Variants in RBFOX1 observed in about 807,000 individuals in gnomAD.
RBFOX1 encodes the protein RNA binding fox-1 homolog 1.
Under a neutral mutation model 57.7 loss-of-function variants are expected in RBFOX1, and 8 were observed. The ratio of observed to expected loss-of-function variants is 0.14; its 90% CI spans 0.08 to 0.25. The LOEUF is 0.25. Ranked by LOEUF, RBFOX1 falls within the 10% of genes least tolerant of loss-of-function variation. The pLI is 1.00. For synonymous variants in RBFOX1, 326 were observed against 222.4 expected (o/e 1.47, Z -4.15); for missense variants, 611 against 548.5 (o/e 1.11, Z -1.14).
chr16:7,162,174 A>T (rs572836116), intron 4 of RBFOX1, among the ~76,000 whole-genome samples: 1 of 152,202 alleles, frequency 6.6e-6, no homozygotes, highest in Non-Finnish European at 1.5e-5. Context: ...GAATGTGCCA[A>T]TAATGGCAGA....
At chr16:5,268,097 C>G (rs917363443) in intron 1 of RBFOX1, among the ~76,000 whole-genome samples, 24 of 151,802 alleles carry the variant, frequency 1.6e-4, no homozygotes, top group Non-Finnish European at 3.1e-4. Context: ...AAAAAGATGA[C>G]TGGAATATAG....
intron 2 of RBFOX1, among the ~76,000 whole-genome samples, chr16:6,516,674 G>C (rs1289758438): frequency 6.6e-6 from 1 of 152,174 alleles, no homozygotes; most frequent in South Asian, 2.1e-4. Flanking sequence ...CAAGATTTCA[G>C]TAACATCACC....
At chr16:6,356,663 A>G (rs1380825360) in intron 2 of RBFOX1, among the ~76,000 whole-genome samples, 1 of 152,210 alleles carries the variant, frequency 6.6e-6, no homozygotes, top group Non-Finnish European at 1.5e-5. Context: ...AGGGAGACAT[A>G]GCAAGTAAAG....
At chr16:5,432,295 G>C (rs1022760497) in intron 1 of RBFOX1, among the ~76,000 whole-genome samples, 5 of 150,652 alleles carry the variant, frequency 3.3e-5, no homozygotes, top group African/African-American at 9.8e-5. Context: ...ATGGGAAAAG[G>C]CAGGCCTCGC....
intron 1 of RBFOX1, among the ~76,000 whole-genome samples, chr16:5,409,717 GGT>G (rs2066963689): frequency 6.6e-6 from 1 of 151,988 alleles, no homozygotes; most frequent in African/African-American, 2.4e-5. Flanking sequence ...AGTGAGAGAT[GGT>G]GTGTCTGTGC....
intron 3 of RBFOX1, among the ~76,000 whole-genome samples, chr16:6,981,045 A>AAAAAAAAAAAAAAAAAAAAAAAC (rs1450296417): frequency 6.6e-6 from 1 of 150,694 alleles, no homozygotes; most frequent in African/African-American, 2.5e-5. Context: ...TCAGTCTCAA[A>AAAAAAAAAAAAAAAAAAAAAAAC]AAAAAAAAAA....
chr16:7,216,505 G>C (rs1016909125), intron 4 of RBFOX1, among the ~76,000 whole-genome samples: 1 of 152,058 alleles, frequency 6.6e-6, no homozygotes, highest in African/African-American at 2.4e-5. Flanking sequence ...TTTTTAAATA[G>C]CGTCTACTTC....
At chr16:6,075,020 A>G (rs2095878639) in intron 1 of RBFOX1, among the ~76,000 whole-genome samples, 1 of 152,214 alleles carries the variant, frequency 6.6e-6, no homozygotes, top group African/African-American at 2.4e-5. Flanking sequence ...CACCCTGAAT[A>G]TCTGGAACAC....
chr16:6,855,531 T>G (rs1032403529), intron 3 of RBFOX1, among the ~76,000 whole-genome samples: 1 of 151,704 alleles, frequency 6.6e-6, no homozygotes, highest in African/African-American at 2.4e-5. Context: ...CAGGTGCCTG[T>G]AGTCCCAGCT....
At chr16:6,407,253 A>G (rs1567207812) in intron 2 of RBFOX1, among the ~76,000 whole-genome samples, 1 of 152,108 alleles carries the variant, frequency 6.6e-6, no homozygotes, top group Non-Finnish European at 1.5e-5. Flanking sequence ...TTATCTATAT[A>G]TATGCTATGG....
At chr16:5,360,905 A>T (rs1036376697) in intron 1 of RBFOX1, among the ~76,000 whole-genome samples, 5 of 152,144 alleles carry the variant, frequency 3.3e-5, no homozygotes, top group Non-Finnish European at 5.9e-5. Flanking sequence ...CAAGCACATC[A>T]AGAGGGAGAT....
chr16:5,729,805 G>A (rs564241680), intron 3 of RBFOX1, among the ~76,000 whole-genome samples: 8 of 152,290 alleles, frequency 5.3e-5, no homozygotes, highest in African/African-American at 1.9e-4. Context: ...GAATAGCAAG[G>A]TTTTGGTGAC....
intron 4 of RBFOX1, among the ~76,000 whole-genome samples, chr16:7,159,497 A>G (rs1213003866): frequency 6.6e-6 from 1 of 152,212 alleles, no homozygotes; most frequent in Non-Finnish European, 1.5e-5. Flanking sequence ...GACTAGTGAT[A>G]GGCTGGAAAT....
intron 3 of RBFOX1, among the ~76,000 whole-genome samples, chr16:6,894,787 C>T (rs1342316642): frequency 6.6e-6 from 1 of 151,998 alleles, no homozygotes; most frequent in Non-Finnish European, 1.5e-5. Flanking sequence ...AGCCATTTTC[C>T]CTGTGTTTGT....
At chr16:7,475,460 G>A (rs534767681) in intron 4 of RBFOX1, among the ~76,000 whole-genome samples, 5 of 152,070 alleles carry the variant, frequency 3.3e-5, no homozygotes, top group African/African-American at 9.6e-5. Flanking sequence ...GACTGCAGGC[G>A]CATGCCACCA....
intron 3 of RBFOX1, among the ~76,000 whole-genome samples, chr16:5,706,582 G>A (rs973327106): frequency 5.3e-5 from 8 of 152,132 alleles, no homozygotes; most frequent in Non-Finnish European, 1.2e-4. Flanking sequence ...AATGTGTACA[G>A]GAATGTTTGG....
At chr16:6,036,741 G>C (rs565908439) in intron 1 of RBFOX1, among the ~76,000 whole-genome samples, 2 of 152,234 alleles carry the variant, frequency 1.3e-5, no homozygotes, top group East Asian at 3.9e-4. Context: ...ACTTAGATGG[G>C]AGGCACCAGT....
intron 1 of RBFOX1, among the ~76,000 whole-genome samples, chr16:6,196,126 T>C (rs571848015): frequency 2.6e-5 from 4 of 152,330 alleles, no homozygotes; most frequent in South Asian, 2.1e-4. Context: ...CACTTAGTGC[T>C]TCAAATAGTT....
chr16:6,489,587 A>G (rs2095584204), intron 2 of RBFOX1, among the ~76,000 whole-genome samples: 1 of 152,144 alleles, frequency 6.6e-6, no homozygotes, highest in African/African-American at 2.4e-5. Context: ...GAGCTTCTAA[A>G]TGTACAGAAG....
Sources: allele counts gnomAD v4.1 joint callset (sites outside exome capture counted in the v4.1 genomes callset), GRCh38; gene constraint gnomAD v4.1.1; transcripts MANE v1.5; gene names NCBI Gene and HGNC (gene_info 2026-07-23, HGNC 2026-07-21).